The following UGT3A1 variants were observed in gnomAD, a reference collection of about 807,000 sequenced individuals.
The protein encoded by UGT3A1 is UDP glycosyltransferase family 3 member A1, also known as UDP-glycosyltransferase 3A1.
Under a neutral mutation model 37.6 loss-of-function variants are expected in UGT3A1, and 40 were observed. That is an observed-to-expected ratio of 1.06 (90% CI 0.83 to 1.38). The LOEUF (loss-of-function observed/expected upper bound fraction) is 1.38. Among genes scored for constraint, UGT3A1 ranks in the 40% most tolerant of loss-of-function variants. UGT3A1 has a pLI of 0.00. For missense variants in UGT3A1, 642 were observed against 634.2 expected, an observed-to-expected ratio of 1.01 and a Z score of -0.13; for synonymous variants, 256 against 232.3, an observed-to-expected ratio of 1.10 and a Z score of -0.93.
rs763542182 is a variant in UGT3A1 at position 35,968,042 on chromosome 5, G to C, written c.288C>G (p.Tyr96Ter). Residue 96 changes from tyrosine (Y) to a stop codon, truncating the protein, a stop_gained, in exon 3 of 7, where the codon TAC becomes TAG. Coordinates refer to ENST00000274278, the MANE Select transcript of UGT3A1 (RefSeq NM_152404.4). LOFTEE classifies it high-confidence loss of function. The part of the protein sequence containing the change: ...QKRIKKHFDS[Y>*]IETALDGRKE... The stretch of plus-strand genomic sequence containing the variant: ...ACCTGCCATCCAATGCTGTTTCTAT[G>C]TAGCTATCAAAATGCTTCTTAATTC... 1 of 1,612,372 alleles carries C rather than the reference G, an allele frequency of 6.2e-7. No individual in the cohort carries two copies. Among genetic ancestry groups the C allele is most frequent in the Non-Finnish European group, 8.5e-7 (1 of 1,179,556 alleles).
At chr5:35,986,777 T>G (rs1280540459) in intron 2 of UGT3A1, among the ~76,000 whole-genome samples, 1 of 152,122 alleles carries the variant, frequency 6.6e-6, no homozygotes, top group Admixed American at 6.5e-5. Context: ...AGGGTGACTA[T>G]AGTTTACAAT....
chr5:35,988,075 T>C (rs1740794018), intron 2 of UGT3A1, among the ~76,000 whole-genome samples: 1 of 152,152 alleles, frequency 6.6e-6, no homozygotes, highest in African/African-American at 2.4e-5. Flanking sequence ...AAGTAACCTG[T>C]GGGATAAGAA....
intron 2 of UGT3A1, among the ~76,000 whole-genome samples, chr5:35,986,959 G>T (rs1325128332): frequency 1.3e-5 from 2 of 151,984 alleles, no homozygotes; most frequent in Admixed American, 1.3e-4. Flanking sequence ...CTATTATGCA[G>T]CAATAAAAAT....
At chr5:35,991,075 C>T (rs375858239) in intron 1 of UGT3A1, 72 bp downstream of exon 1, 27 of 1,613,764 alleles carry the variant, frequency 1.7e-5, no homozygotes, top group Non-Finnish European at 2.2e-5. Context: ...GATCAATCGC[C>T]GTTCGCTGGA....
At chr5:35,972,635 C>T (rs991372560) in intron 2 of UGT3A1, among the ~76,000 whole-genome samples, 9 of 151,706 alleles carry the variant, frequency 5.9e-5, no homozygotes, top group African/African-American at 1.9e-4. Context: ...ATATTTGAAA[C>T]CGATAACTCT....
rs372982977 is a variant in UGT3A1 at position 35,998,319 on chromosome 5, A to G, written c.-159-990T>C. Among the ~76,000 whole-genome samples, 396 of 152,350 alleles carry G rather than the reference A, an allele frequency of 2.6e-3. 2 individuals are homozygous for G. Among genetic ancestry groups the G allele is most frequent in the African/African-American group, 9.3e-3 (387 of 41,576 alleles). ...AGCCAACAGCTGGACGCTGTGGCTC[A>G]AGGGCTGCCTCCTTGTATGACAGCA... is the stretch of plus-strand genomic sequence containing the variant. On this transcript the variant is annotated intron_variant, in intron 1 of 5. Transcript: ENST00000625798.
At chr5:35,999,640 A>G (rs1741175927) in intron 1 of UGT3A1, among the ~76,000 whole-genome samples, 1 of 152,204 alleles carries the variant, frequency 6.6e-6, no homozygotes, top group Admixed American at 6.5e-5. Context: ...GATAAAATGA[A>G]ACCCTGGTGT....
At chr5:35,980,033 A>C (rs1740455745) in intron 2 of UGT3A1, among the ~76,000 whole-genome samples, 1 of 152,204 alleles carries the variant, frequency 6.6e-6, no homozygotes, top group African/African-American at 2.4e-5. Flanking sequence ...TTCTTCCACA[A>C]CATATGGGAA....
upstream of UGT3A1, among the ~76,000 whole-genome samples, chr5:35,992,048 C>G (rs1012965292): frequency 6.6e-6 from 1 of 152,188 alleles, no homozygotes; most frequent in African/African-American, 2.4e-5. Context: ...ATCACTACAC[C>G]AGGTATGGTC....
intron 2 of UGT3A1, among the ~76,000 whole-genome samples, chr5:35,982,924 G>A (rs972551400): frequency 2.0e-5 from 3 of 152,128 alleles, no homozygotes; most frequent in Non-Finnish European, 2.9e-5. Context: ...AGATCTGGAT[G>A]TTTGAAAATG....
At chr5:35,998,626 G>A (rs1741149146) in intron 1 of UGT3A1, among the ~76,000 whole-genome samples, 6 of 152,200 alleles carry the variant, frequency 3.9e-5, no homozygotes, top group Admixed American at 3.9e-4. Context: ...CCCCAGGGCA[G>A]ACCTACAATA....
Position 35,952,668 on chromosome 5 carries a change from A to G in UGT3A1, c.*1534T>C, listed in dbSNP as rs1322876541. Reference sequence around the variant, plus strand: ...ATCATGGCTGTTGATTCAACAGAAAACACAGGGAAGCATCCATGTCTGCCC... The same window carrying G: ...ATCATGGCTGTTGATTCAACAGAAAGCACAGGGAAGCATCCATGTCTGCCC... On this transcript the variant is annotated 3_prime_UTR_variant, in exon 7 of 7. Transcript: ENST00000274278. The G allele has an allele frequency of 1.3e-5, 2 of 152,184 alleles. No individual in the cohort carries two copies. The highest frequency in any genetic ancestry group is 4.8e-5 in the African/African-American group (2 of 41,414). The allele number at this position is 152,184 out of a possible 1,614,324, so 9.4% of individuals were successfully genotyped here. A position where few individuals can be genotyped will look rare whatever the true frequency, so the allele number is the denominator to read the frequency against.
intron 1 of UGT3A1, chr5:36,000,838 C>T (rs1353501904): frequency 1.3e-5 from 2 of 152,220 alleles, no homozygotes; most frequent in East Asian, 1.9e-4. Context: ...AAGTGAATTT[C>T]ACAACCTTGC....
chr5:35,962,763 C>T (rs1237248898), intron 4 of UGT3A1: 2 of 631,888 alleles, frequency 3.2e-6, no homozygotes, highest in East Asian at 5.5e-5. Flanking sequence ...TTGGCCAAAC[C>T]TTTGTTCCGA....
At chr5:35,963,010 C>A in intron 4 of UGT3A1, 2 of 697,122 alleles carry the variant, frequency 2.9e-6, no homozygotes, top group South Asian at 1.5e-5. Flanking sequence ...AATGAAAACT[C>A]AGGGTGTGAG....
At chr5:35,990,926 G>A (rs999727649) in intron 1 of UGT3A1, 12 of 1,422,018 alleles carry the variant, frequency 8.4e-6, no homozygotes, top group South Asian at 1.5e-5. Flanking sequence ...GAAGAGAGAA[G>A]AAAGGAGAGT....
chr5:35,960,435 C>T (rs907065110), intron 4 of UGT3A1, among the ~76,000 whole-genome samples: 3 of 152,176 alleles, frequency 2.0e-5, no homozygotes, highest in Non-Finnish European at 2.9e-5. Context: ...CTGACCCCCC[C>T]TCACAGGGTA....
chr5:35,995,260 A>C (rs1357387036), upstream of UGT3A1, among the ~76,000 whole-genome samples: 1 of 152,076 alleles, frequency 6.6e-6, no homozygotes, highest in African/African-American at 2.4e-5. Flanking sequence ...CAGTAGTCTG[A>C]CTTCAAAGAC....
intron 2 of UGT3A1, among the ~76,000 whole-genome samples, chr5:35,968,846 G>A (rs1211487520): frequency 1.3e-5 from 2 of 152,144 alleles, no homozygotes; most frequent in East Asian, 1.9e-4. Context: ...GGCCAAAGTG[G>A]GAGAATCCTC....
Sources: gnomAD v4.1 joint callset for allele counts (sites outside exome capture counted in the v4.1 genomes callset) on GRCh38, gnomAD v4.1.1 for gene constraint, MANE v1.5 for transcripts, NCBI Gene and HGNC (gene_info 2026-07-23, HGNC 2026-07-21) for gene names.